The following FRMD6 variants were observed in gnomAD, a reference collection of about 807,000 sequenced individuals.
FRMD6 encodes FERM domain-containing protein 6.
In FRMD6, 37 loss-of-function variants were observed where a neutral mutation model predicts 73.2. The ratio of observed to expected loss-of-function variants is 0.51; its 90% CI spans 0.39 to 0.66. The LOEUF is 0.66. Among genes scored for constraint, FRMD6 ranks in the 30% least tolerant of loss-of-function variants. The probability of loss-of-function intolerance (pLI) is 0.00; values close to 1 mark genes in which losing one functional copy is unlikely to be tolerated. For synonymous variants in FRMD6, 273 were observed against 282.2 expected (o/e 0.97, Z 0.33); for missense variants, 714 against 780.5 (o/e 0.91, Z 1.02).
intron 2 of FRMD6, among the ~76,000 whole-genome samples, chr14:51,582,219 T>G (rs1888765433): frequency 1.3e-5 from 2 of 152,216 alleles, no homozygotes; most frequent in Non-Finnish European, 2.9e-5. Context: ...GGTTTGTTTA[T>G]GTGGGGAAGG....
chr14:51,398,860 C>A, the FRMD6 span, among the ~76,000 whole-genome samples: 1 of 152,080 alleles, frequency 6.6e-6, no homozygotes, highest in Admixed American at 6.6e-5. Flanking sequence ...AAGAGAGTGC[C>A]CCAAACCTAG....
intron 2 of FRMD6, among the ~76,000 whole-genome samples, chr14:51,572,918 A>G (rs1181072453): frequency 6.6e-6 from 1 of 152,146 alleles, no homozygotes; most frequent in Non-Finnish European, 1.5e-5. Flanking sequence ...TTGAAATTTA[A>G]CAGTAAATTT....
the FRMD6 span, among the ~76,000 whole-genome samples, chr14:51,478,380 T>A: frequency 1.7e-4 from 26 of 152,220 alleles, no homozygotes; most frequent in African/African-American, 5.1e-4. Context: ...TAGTAGTCAG[T>A]GGAAACGTAA....
chr14:51,482,790 T>C, the FRMD6 span, among the ~76,000 whole-genome samples: 1 of 152,058 alleles, frequency 6.6e-6, no homozygotes, highest in Non-Finnish European at 1.5e-5. Flanking sequence ...AACCTCTGCC[T>C]CCTGGGTTCA....
chr14:51,560,995 A>G (rs1019463035), intron 1 of FRMD6, among the ~76,000 whole-genome samples: 36 of 152,350 alleles, frequency 2.4e-4, no homozygotes, highest in African/African-American at 8.7e-4. Flanking sequence ...ATTGACATCT[A>G]TGTGGTCCAC....
At chr14:51,473,298 A>T in the FRMD6 span, among the ~76,000 whole-genome samples, 1 of 152,240 alleles carries the variant, frequency 6.6e-6, no homozygotes, top group Non-Finnish European at 1.5e-5. Flanking sequence ...TTATTTTAAA[A>T]GGCCAGTAAA....
In FRMD6 at chr14:51,702,530, C is replaced by G; in HGVS notation, c.313C>G (p.Pro105Ala). 1 of 1,611,722 alleles carries G rather than the reference C, an allele frequency of 6.2e-7. No individual in the cohort carries two copies. Among genetic ancestry groups the G allele is most frequent in the Non-Finnish European group, 8.5e-7 (1 of 1,178,334 alleles). Residue 105 changes from proline to alanine, a missense_variant, in exon 5 of 14, where the codon CCT (proline) becomes GCT (alanine). Transcript: ENST00000344768. ...EVTWGIDQFG[P>A]PMIIHFRVQY... is the part of the protein sequence containing the mutation. ...TTTCTAGGGTATCGACCAATTTGGGCCTCCTATGATCATCCACTTCCGTGT... is the reference window on the plus strand; with the variant it reads ...TTTCTAGGGTATCGACCAATTTGGGGCTCCTATGATCATCCACTTCCGTGT...
At chr14:51,597,662 T>C (rs185046599) in intron 2 of FRMD6, among the ~76,000 whole-genome samples, 281 of 152,366 alleles carry the variant, frequency 1.8e-3, no homozygotes, top group African/African-American at 6.2e-3. Context: ...GGCTGTGTGA[T>C]GAATGAATGA....
At chr14:51,603,484 A>G (rs1215431610) in intron 2 of FRMD6, among the ~76,000 whole-genome samples, 1 of 152,182 alleles carries the variant, frequency 6.6e-6, no homozygotes, top group African/African-American at 2.4e-5. Context: ...AATGGTTTAC[A>G]GTGAACAAAT....
chr14:51,689,641 G>A lies in FRMD6; in HGVS notation c.-146-50G>A, dbSNP rs1317680837. The A allele has an allele frequency of 2.7e-5, 16 of 583,342 alleles. No homozygotes were observed. In the Admixed American group the frequency reaches 3.6e-4, roughly 13 times the overall value. The allele number at this position is 583,342 out of a possible 1,614,324, so 36.1% of individuals were successfully genotyped here. The stretch of plus-strand genomic sequence containing the variant: ...TGCTTATCTTCCTGACGCGCTCTTC[G>A]CAGTCTTCACCGCCTTTCTTCAGGA... On this transcript the variant is annotated intron_variant, in intron 1 of 13. Transcript: ENST00000344768.
intron 1 of FRMD6, among the ~76,000 whole-genome samples, chr14:51,661,434 A>G (rs1022488543): frequency 6.8e-6 from 1 of 146,204 alleles, no homozygotes; most frequent in Non-Finnish European, 1.5e-5. Context: ...TGTGAACTCT[A>G]TTGATCTACA....
intron 5 of FRMD6, 22 bp from the exon 6 acceptor site, chr14:51,704,727 C>A: frequency 6.3e-7 from 1 of 1,587,880 alleles, no homozygotes; most frequent in Non-Finnish European, 8.6e-7. Context: ...AATGTGAGTT[C>A]TGTTTTCTTT....
chr14:51,674,445 C>T (rs1894241594), intron 1 of FRMD6, among the ~76,000 whole-genome samples: 1 of 152,112 alleles, frequency 6.6e-6, no homozygotes, highest in Non-Finnish European at 1.5e-5. Flanking sequence ...GCCATGCCTG[C>T]TGACTTGGAA....
At chr14:51,700,141 G>A (rs1896213408) in intron 3 of FRMD6, among the ~76,000 whole-genome samples, 1 of 151,904 alleles carries the variant, frequency 6.6e-6, no homozygotes, top group Admixed American at 6.6e-5. Flanking sequence ...TCCAGAACAG[G>A]TACATTTTTA....
At chr14:51,727,696 A>AT (rs1425963623) in intron 13 of FRMD6, 49 bp from the exon 14 acceptor site, 1 of 1,530,488 alleles carries the variant, frequency 6.5e-7, no homozygotes, top group African/African-American at 1.4e-5. Context: ...CAAGGCAAAT[A>AT]TTCTAACCTT....
At chr14:51,419,029 T>C in the FRMD6 span, among the ~76,000 whole-genome samples, 1 of 152,184 alleles carries the variant, frequency 6.6e-6, no homozygotes, top group Admixed American at 6.5e-5. Context: ...ACTAAAACCA[T>C]TGGAAAAGCA....
chr14:51,661,459 A>G (rs1893214795), intron 1 of FRMD6, among the ~76,000 whole-genome samples: 1 of 152,228 alleles, frequency 6.6e-6, no homozygotes, highest in Non-Finnish European at 1.5e-5. Flanking sequence ...GGAAGAATGA[A>G]CTATGAGTTG....
chr14:51,418,726 C>T, the FRMD6 span, among the ~76,000 whole-genome samples: 1 of 152,220 alleles, frequency 6.6e-6, no homozygotes, highest in African/African-American at 2.4e-5. Context: ...CAGACAGGGA[C>T]GTTTAAGTCT....
intron 2 of FRMD6, among the ~76,000 whole-genome samples, chr14:51,577,732 T>G (rs949522330): frequency 1.3e-5 from 2 of 152,188 alleles, no homozygotes. Flanking sequence ...AGAGCTATAC[T>G]CACTGTGTAT....
Sources: allele counts gnomAD v4.1 joint callset (sites outside exome capture counted in the v4.1 genomes callset), GRCh38; gene constraint gnomAD v4.1.1; transcripts MANE v1.5; gene names NCBI Gene and HGNC (gene_info 2026-07-23, HGNC 2026-07-21).